Variants in TEX11 observed in about 807,000 individuals in gnomAD.
TEX11 encodes testis-expressed protein 11.
TEX11 carries 7 observed loss-of-function variants against 84.4 expected under a neutral mutation model. The observed-to-expected ratio is 0.08, with a 90% CI of 0.05 to 0.16. The LOEUF (loss-of-function observed/expected upper bound fraction) is 0.16. Among genes scored for constraint, TEX11 ranks in the 10% least tolerant of loss-of-function variants. TEX11 has a pLI of 1.00. For synonymous variants in TEX11, 264 were observed against 222.8 expected, an observed-to-expected ratio of 1.18 and a Z score of -1.64; for missense variants, 551 against 660.5, an observed-to-expected ratio of 0.83 and a Z score of 1.82.
intron 13 of TEX11, among the ~76,000 whole-genome samples, chrX:70,712,772 T>C (rs1223667033): frequency 9.0e-6 from 1 of 110,820 alleles, no homozygotes; most frequent in Non-Finnish European, 1.9e-5. Flanking sequence ...CCTAATTGAA[T>C]ACCCTTTATT....
chrX:70,796,300 CA>C (rs1370054524), intron 9 of TEX11, among the ~76,000 whole-genome samples: 3 of 110,934 alleles, frequency 2.7e-5, no homozygotes, highest in Non-Finnish European at 5.7e-5. Flanking sequence ...AAATACAAGT[CA>C]GGGGAGACAA....
At chrX:70,735,103 A>G (rs1054869426) in intron 11 of TEX11, among the ~76,000 whole-genome samples, 2 of 111,044 alleles carry the variant, frequency 1.8e-5, no homozygotes, top group Admixed American at 1.9e-4. Context: ...TCCAGGCTGG[A>G]GTGCAATGGC....
At chrX:70,767,791 C>T (rs1353897711) in intron 9 of TEX11, among the ~76,000 whole-genome samples, 2 of 111,424 alleles carry the variant, frequency 1.8e-5, no homozygotes, top group Non-Finnish European at 3.8e-5. Flanking sequence ...CTTATTTAGC[C>T]ATAAAAAAGA....
intron 13 of TEX11, among the ~76,000 whole-genome samples, chrX:70,690,338 G>C (rs769217146): frequency 9.0e-6 from 1 of 111,629 alleles, no homozygotes; most frequent in Admixed American, 9.5e-5. Flanking sequence ...TGTGTAGAGT[G>C]TATATGGCAA....
chrX:70,850,578 CA>C (rs58993434), intron 7 of TEX11, among the ~76,000 whole-genome samples: 25,264 of 80,548 alleles, frequency 0.31, 3,074 homozygotes, highest in East Asian at 0.42. Flanking sequence ...CCTCCCTCTA[CA>C]AAAAAAAAAA....
intron 9 of TEX11, among the ~76,000 whole-genome samples, chrX:70,783,015 C>T (rs1210745920): frequency 1.8e-5 from 2 of 111,564 alleles, no homozygotes; most frequent in African/African-American, 6.5e-5. Flanking sequence ...CACCCCAAAT[C>T]AACAGAATAT....
At chrX:70,687,665 A>G (rs1036255213) in intron 13 of TEX11, among the ~76,000 whole-genome samples, 1 of 111,483 alleles carries the variant, frequency 9.0e-6, no homozygotes, top group African/African-American at 3.3e-5. Context: ...TGGAGAGGAC[A>G]AAGGAAAGAA....
At chrX:70,580,042 G>A (rs1204155292) in intron 25 of TEX11, among the ~76,000 whole-genome samples, 1 of 112,066 alleles carries the variant, frequency 8.9e-6, no homozygotes, top group African/African-American at 3.2e-5. Context: ...GCCAAGATTT[G>A]GAAGCAACCT....
chrX:70,654,274 C>T (rs937647376), intron 16 of TEX11, among the ~76,000 whole-genome samples: 3 of 111,195 alleles, frequency 2.7e-5, no homozygotes, highest in South Asian at 3.8e-4. Flanking sequence ...TGTGAAGAAC[C>T]GTGAGGGGGT....
At chrX:70,815,911 AATTTT>A (rs2091283851) in intron 8 of TEX11, among the ~76,000 whole-genome samples, 2 of 111,839 alleles carry the variant, frequency 1.8e-5, no homozygotes, top group African/African-American at 6.5e-5. Context: ...ATCTTTTTAA[AATTTT>A]ATTTAATTTT....
intron 7 of TEX11, among the ~76,000 whole-genome samples, chrX:70,848,911 G>A (rs1370200964): frequency 1.8e-5 from 2 of 111,329 alleles, no homozygotes; most frequent in African/African-American, 3.3e-5. Context: ...CAAAACATAC[G>A]ACCCTTGCAT....
intron 9 of TEX11, among the ~76,000 whole-genome samples, chrX:70,806,449 C>T (rs767294690): frequency 4.5e-4 from 31 of 68,483 alleles, no homozygotes; most frequent in Middle Eastern, 0.011. Flanking sequence ...GAGAGAGATA[C>T]GAAAAAAAAA....
chrX:70,716,882 G>A lies in TEX11; in HGVS notation c.1004+5736C>T, dbSNP rs760092273. Among the ~76,000 whole-genome samples the A allele has an allele frequency of 7.1e-5, 8 of 112,449 alleles. No individual in the cohort carries two copies. In the South Asian group the frequency reaches 2.9e-3, roughly 41 times the overall value. The stretch of plus-strand genomic sequence containing the variant: ...GTCTTCTGCGTCGCTCACGCTGGGA[G>A]CTGTAGACTGGAGCTGTTCCTATTC... On this transcript the variant is annotated intron_variant, in intron 13 of 29. Coordinates refer to ENST00000374333, the MANE Select transcript of TEX11 (RefSeq NM_031276.3).
chrX:70,665,365 C>G (rs1177070976), intron 16 of TEX11, among the ~76,000 whole-genome samples: 2 of 111,593 alleles, frequency 1.8e-5, no homozygotes, highest in Admixed American at 9.5e-5. Flanking sequence ...AGAACCCAAG[C>G]TCATTTCCTT....
In TEX11 at chrX:70,844,771, A is replaced by C. The variant is rs1190397748; in HGVS notation, c.525+8263T>G. 2.7e-5 allele frequency among the ~76,000 whole-genome samples: 3 copies of C among 110,201 alleles called. No homozygotes were observed. The East Asian group carries it at 8.7e-4, about 32-fold the overall frequency. ...CCCCATCTCTACTAGAAATACCAAA[A>C]CAAAACAAAACAAAAAAGCCAGCAG... On this transcript the variant is annotated intron_variant, in intron 7 of 29. Transcript: ENST00000374333.
Position 70,840,275 on chromosome X carries a change from G to A in TEX11, c.526-6682C>T, listed in dbSNP as rs189279237. 2.7e-5 allele frequency among the ~76,000 whole-genome samples: 3 copies of A among 111,988 alleles called. No homozygotes were observed. The East Asian group carries it at 8.5e-4, about 32-fold the overall frequency. ...AGGGAAGCCCATCAGACTAACAGCT[G>A]ATCTCTCTGCAGAAACTCTACAAGC... On this transcript the variant is annotated intron_variant, in intron 7 of 29. Coordinates refer to ENST00000374333, the MANE Select transcript of TEX11 (RefSeq NM_031276.3).
At chrX:70,625,001 T>C in intron 18 of TEX11, 77 bp from the exon 19 acceptor site, 1 of 704,068 alleles carries the variant, frequency 1.4e-6, no homozygotes, top group Admixed American at 3.2e-5. Flanking sequence ...TCCTGTTCAT[T>C]AAAGATAAGA....
At chrX:70,730,379 C>T (rs934330549) in intron 11 of TEX11, among the ~76,000 whole-genome samples, 2 of 111,549 alleles carry the variant, frequency 1.8e-5, no homozygotes, top group African/African-American at 6.5e-5. Flanking sequence ...AGAGTCAAGA[C>T]CCATCAGTGT....
chrX:70,769,174 G>T (rs754791585), intron 9 of TEX11, among the ~76,000 whole-genome samples: 3 of 111,388 alleles, frequency 2.7e-5, no homozygotes, highest in Non-Finnish European at 3.8e-5. Context: ...GGAAAAGGAA[G>T]AGCAAACTAA....
Sources: allele counts gnomAD v4.1 joint callset (sites outside exome capture counted in the v4.1 genomes callset), GRCh38; gene constraint gnomAD v4.1.1; transcripts MANE v1.5; gene names NCBI Gene and HGNC (gene_info 2026-07-23, HGNC 2026-07-21).